The following RIMS2 variants were observed in gnomAD, a reference collection of about 807,000 sequenced individuals.
RIMS2 encodes the protein regulating synaptic membrane exocytosis 2, also known as regulating synaptic membrane exocytosis protein 2.
In RIMS2, 59 loss-of-function variants were observed where a neutral mutation model predicts 174.4. The ratio of observed to expected loss-of-function variants is 0.34; its 90% CI spans 0.27 to 0.42. The LOEUF (loss-of-function observed/expected upper bound fraction) is 0.42. Ranked by LOEUF, RIMS2 falls within the 10% of genes least tolerant of loss-of-function variation. The pLI is 1.00. For missense variants in RIMS2, 1,620 were observed against 1,666.3 expected, an observed-to-expected ratio of 0.97 and a Z score of 0.48; for synonymous variants, 606 against 572.5, an observed-to-expected ratio of 1.06 and a Z score of -0.84.
intron 4 of RIMS2, among the ~76,000 whole-genome samples, chr8:103,894,180 TG>T (rs138946919): frequency 0.17 from 25,023 of 151,146 alleles, 2,332 homozygotes; most frequent in Middle Eastern, 0.27. Context: ...ACTTATACTG[TG>T]GTAAAGTTAT....
chr8:103,701,702 T>C (rs1320449332), intron 2 of RIMS2, among the ~76,000 whole-genome samples: 1 of 152,118 alleles, frequency 6.6e-6, no homozygotes, highest in Non-Finnish European at 1.5e-5. Flanking sequence ...TTTCCGGGCC[T>C]GGCTTATTTT....
chr8:103,621,583 G>A (rs528949559), intron 1 of RIMS2, among the ~76,000 whole-genome samples: 14 of 152,302 alleles, frequency 9.2e-5, no homozygotes, highest in Middle Eastern at 3.4e-3. Context: ...TCTTTATTAC[G>A]TCTAGCAGAT....
At chr8:104,049,939 A>G (rs938797663) in intron 19 of RIMS2, among the ~76,000 whole-genome samples, 1 of 152,146 alleles carries the variant, frequency 6.6e-6, no homozygotes, top group Non-Finnish European at 1.5e-5. Flanking sequence ...GCCCAAATGT[A>G]TATTTTGTGC....
At chr8:104,239,509 T>TACAC (rs143944632) in intron 19 of RIMS2, among the ~76,000 whole-genome samples, 6 of 150,358 alleles carry the variant, frequency 4.0e-5, no homozygotes, top group Non-Finnish European at 7.4e-5. Context: ...GATGTCTCAA[T>TACAC]ACACACACAC....
At chr8:103,632,802 C>CGG (rs2095969521) in intron 1 of RIMS2, among the ~76,000 whole-genome samples, 2 of 131,296 alleles carry the variant, frequency 1.5e-5, no homozygotes, top group Non-Finnish European at 3.1e-5. Context: ...GGCGCAATCT[C>CGG]GGCTCACTGC....
intron 19 of RIMS2, among the ~76,000 whole-genome samples, chr8:104,093,192 A>G (rs2097692911): frequency 6.6e-6 from 1 of 152,078 alleles, no homozygotes; most frequent in African/African-American, 2.4e-5. Context: ...TCTTACCTAA[A>G]TGTTCTTTCC....
intron 1 of RIMS2, among the ~76,000 whole-genome samples, chr8:103,520,985 T>A (rs1313886440): frequency 1.3e-5 from 2 of 152,020 alleles, no homozygotes; most frequent in Non-Finnish European, 2.9e-5. Flanking sequence ...TTCATCCATG[T>A]CCCTACAAAG....
At chr8:104,184,291 A>T (rs2098956640) in intron 19 of RIMS2, among the ~76,000 whole-genome samples, 1 of 151,612 alleles carries the variant, frequency 6.6e-6, no homozygotes, top group Non-Finnish European at 1.5e-5. Flanking sequence ...TAGTTTGCTT[A>T]TACTAAATTG....
intron 19 of RIMS2, among the ~76,000 whole-genome samples, chr8:104,015,220 A>T (rs925152956): frequency 1.3e-5 from 2 of 152,180 alleles, no homozygotes; most frequent in Non-Finnish European, 2.9e-5. Flanking sequence ...GGTTTTTAAG[A>T]TCATTTTTTA....
chr8:103,736,320 A>G lies in RIMS2; in HGVS notation c.388-29907A>G, dbSNP rs550416402. Among the ~76,000 whole-genome samples, 6 of 152,298 alleles carry G rather than the reference A, an allele frequency of 3.9e-5. No individual in the cohort carries two copies. In the South Asian group the frequency reaches 1.2e-3, roughly 32 times the overall value. ...GAACAATGTATAATAGAAGTTTTTG[A>G]CATCAAAGTCCCATGGGGCTACATT... On this transcript the variant is annotated intron_variant, in intron 2 of 23. Coordinates refer to ENST00000504942, the Ensembl canonical transcript of RIMS2.
intron 2 of RIMS2, among the ~76,000 whole-genome samples, chr8:103,735,360 A>G (rs1229340568): frequency 6.6e-6 from 1 of 152,156 alleles, no homozygotes; most frequent in Non-Finnish European, 1.5e-5. Flanking sequence ...CAATGAAAAT[A>G]TTTTTAATTT....
chr8:103,628,225 A>T (rs533823221), intron 1 of RIMS2, among the ~76,000 whole-genome samples: 40 of 152,298 alleles, frequency 2.6e-4, no homozygotes, highest in African/African-American at 7.9e-4. Context: ...TCTACTAATT[A>T]CAATTTTAAA....
intron 16 of RIMS2, among the ~76,000 whole-genome samples, chr8:103,983,126 G>T (rs921963640): frequency 6.6e-6 from 1 of 152,086 alleles, no homozygotes; most frequent in African/African-American, 2.4e-5. Flanking sequence ...AAGAAATCAA[G>T]AAAGTAATTC....
At position 104,080,803 on chromosome 8, in the gene RIMS2, G is replaced by T. The variant is rs114825083; in HGVS notation, c.3334+66188G>T. Among the ~76,000 whole-genome samples, 1,291 of 151,992 alleles carry T rather than the reference G, an allele frequency of 8.5e-3. 22 individuals carry two copies. Among genetic ancestry groups the T allele is most frequent in the African/African-American group, 0.03 (1,228 of 41,504 alleles). The stretch of plus-strand genomic sequence containing the variant: ...CATTTATTAGCAAAATAAATATAAC[G>T]TTTTATTAAACATTTGGAAATTTGA... On this transcript the variant is annotated intron_variant, in intron 19 of 23. Coordinates refer to ENST00000504942, the Ensembl canonical transcript of RIMS2.
At chr8:104,059,898 C>T (rs2096947211) in intron 19 of RIMS2, among the ~76,000 whole-genome samples, 1 of 152,138 alleles carries the variant, frequency 6.6e-6, no homozygotes. Flanking sequence ...ATTGAACCAG[C>T]CTTGCATCCC....
At chr8:103,550,964 A>G (rs7830015) in intron 1 of RIMS2, among the ~76,000 whole-genome samples, 7,306 of 152,208 alleles carry the variant, frequency 0.048, 583 homozygotes, top group African/African-American at 0.16. Flanking sequence ...TTAATGGCCT[A>G]CTGACCAAAA....
Position 104,250,853 on chromosome 8 carries a change from GAC to G in RIMS2, c.3692-167_3692-166del, listed in dbSNP as rs1208382841. Among the ~76,000 whole-genome samples, 5 of 152,256 alleles carry G rather than the reference GAC, an allele frequency of 3.3e-5. No individual in the cohort carries two copies. In the East Asian group the frequency reaches 9.6e-4, roughly 29 times the overall value. On this transcript the variant is annotated intron_variant, in intron 22 of 23. Coordinates refer to ENST00000504942, the Ensembl canonical transcript of RIMS2. ...CAGCATCCCCTAAAACTCCCTGAAA[GAC>G]ACAGTTATCCACTGTTTATCTAATG...
chr8:104,251,227 C>T, intron 23 of RIMS2, 64 bp downstream of exon 29: 1 of 1,327,772 alleles, frequency 7.5e-7, no homozygotes, highest in South Asian at 1.4e-5. Flanking sequence ...GACATTATAC[C>T]CCAAATCTTT....
chr8:104,136,126 A>G (rs1566618482), intron 19 of RIMS2, among the ~76,000 whole-genome samples: 1 of 152,204 alleles, frequency 6.6e-6, no homozygotes, highest in South Asian at 2.1e-4. Flanking sequence ...CAAATCATCC[A>G]TGTACTTTGT....
Sources: gnomAD v4.1 joint callset for allele counts (sites outside exome capture counted in the v4.1 genomes callset) on GRCh38, gnomAD v4.1.1 for gene constraint, MANE v1.5 for transcripts, NCBI Gene and HGNC (gene_info 2026-07-23, HGNC 2026-07-21) for gene names.